The following SLC7A14 variants were observed in gnomAD, a reference collection of about 807,000 sequenced individuals.
SLC7A14 encodes gamma-aminobutyric acid transporter SLC7A14.
In SLC7A14, 37 loss-of-function variants were observed where a neutral mutation model predicts 60.2. That is an observed-to-expected ratio of 0.61 (90% CI 0.47 to 0.81). The LOEUF (loss-of-function observed/expected upper bound fraction) is 0.81. SLC7A14 is among the 30% of genes least tolerant of loss of function. SLC7A14 has a pLI of 0.00. For missense variants in SLC7A14, 886 were observed against 982.7 expected, an observed-to-expected ratio of 0.90 and a Z score of 1.32; for synonymous variants, 399 against 395.8, an observed-to-expected ratio of 1.01 and a Z score of -0.10.
intron 4 of SLC7A14, among the ~76,000 whole-genome samples, chr3:170,496,837 C>T (rs888509): frequency 0.13 from 19,039 of 152,104 alleles, 1,317 homozygotes; most frequent in East Asian, 0.19. Context: ...GATTGAGACC[C>T]GCGATGGGAA....
chr3:170,565,677 A>G (rs969252406), intron 1 of SLC7A14, among the ~76,000 whole-genome samples: 41 of 152,114 alleles, frequency 2.7e-4, no homozygotes, highest in African/African-American at 8.5e-4. Context: ...TTGCTGGTGT[A>G]GGGTTGAGGG....
intron 1 of SLC7A14, among the ~76,000 whole-genome samples, chr3:170,578,262 C>T (rs1188738881): frequency 2.6e-5 from 4 of 152,240 alleles, no homozygotes; most frequent in East Asian, 1.9e-4. Context: ...TGCTGAATCA[C>T]GTAAACAATT....
chr3:170,504,352 A>G (rs1048380168), intron 2 of SLC7A14, among the ~76,000 whole-genome samples: 1 of 151,670 alleles, frequency 6.6e-6, no homozygotes, highest in East Asian at 1.9e-4. Flanking sequence ...ATGGAGTTTC[A>G]CTCTGTCGCC....
At chr3:170,560,614 A>G (rs2108309794) in intron 1 of SLC7A14, among the ~76,000 whole-genome samples, 1 of 152,314 alleles carries the variant, frequency 6.6e-6, no homozygotes, top group East Asian at 1.9e-4. Context: ...ATGCACAGAA[A>G]AAATAAGCAT....
intron 1 of SLC7A14, among the ~76,000 whole-genome samples, chr3:170,542,499 T>G (rs917916224): frequency 6.6e-6 from 1 of 152,224 alleles, no homozygotes; most frequent in African/African-American, 2.4e-5. Flanking sequence ...CTCTTGCATG[T>G]CCCTTGCCAC....
At position 170,460,066 on chromosome 3, in the gene SLC7A14, C is replaced by G. The variant is rs963514758; in HGVS notation, c.*6989G>C. 2 of 152,118 alleles carry G rather than the reference C, an allele frequency of 1.3e-5. No homozygotes were observed. Among genetic ancestry groups the G allele is most frequent in the African/African-American group, 4.8e-5 (2 of 41,418 alleles). 9.4% of individuals were successfully genotyped at this position (152,118 alleles called of 1,614,324 possible). On this transcript the variant is annotated 3_prime_UTR_variant, in exon 8 of 8. Coordinates refer to ENST00000231706, the MANE Select transcript of SLC7A14 (RefSeq NM_020949.3). ...ATATTATTTCTTTCTTCATGATACA[C>G]TACATTGTACAGCACACCAATGGGA...
chr3:170,581,502 G>A lies in SLC7A14; in HGVS notation c.-153+4409C>T, dbSNP rs1449683978. 1.3e-4 allele frequency among the ~76,000 whole-genome samples: 20 copies of A among 151,818 alleles called. No homozygotes were observed. The East Asian group carries it at 3.9e-3, about 29-fold the overall frequency. Reference sequence around the variant, plus strand: ...ATAAACTAAACAACAAACAATGCACGGTATTTCAATTAATAGAATCTAACC... The same window carrying A: ...ATAAACTAAACAACAAACAATGCACAGTATTTCAATTAATAGAATCTAACC... On this transcript the variant is annotated intron_variant, in intron 1 of 7. Coordinates refer to ENST00000231706, the MANE Select transcript of SLC7A14 (RefSeq NM_020949.3).
At chr3:170,558,585 T>C (rs985972900) in intron 1 of SLC7A14, among the ~76,000 whole-genome samples, 10 of 152,188 alleles carry the variant, frequency 6.6e-5, no homozygotes, top group African/African-American at 2.4e-4. Context: ...TGCTGTGCTT[T>C]GTACACCAAG....
intron 7 of SLC7A14, among the ~76,000 whole-genome samples, chr3:170,470,379 C>G (rs188696341): frequency 6.6e-6 from 1 of 150,574 alleles, no homozygotes. Context: ...CACATATTGA[C>G]TGTGGTTACT....
rs551719444 is a variant in SLC7A14 at position 170,510,848 on chromosome 3, A to G, written c.305-9503T>C. Among the ~76,000 whole-genome samples, 9 of 152,340 alleles carry G rather than the reference A, an allele frequency of 5.9e-5. No individual in the cohort carries two copies. In the South Asian group the frequency reaches 1.7e-3, roughly 28 times the overall value. On this transcript the variant is annotated intron_variant, in intron 2 of 7. Coordinates refer to ENST00000231706, the MANE Select transcript of SLC7A14 (RefSeq NM_020949.3). ...GAAGGAAAAAGTCACTACAAAAGGG[A>G]AAGGTGAAGGCGCATGTTTTCTTGG...
chr3:170,476,429 C>A (rs866235944), intron 7 of SLC7A14, among the ~76,000 whole-genome samples: 10 of 152,240 alleles, frequency 6.6e-5, no homozygotes, highest in African/African-American at 1.9e-4. Flanking sequence ...TCTGTGCCCT[C>A]TGGCTGGCCA....
intron 1 of SLC7A14, among the ~76,000 whole-genome samples, chr3:170,578,710 A>G (rs1374575274): frequency 6.6e-6 from 1 of 152,238 alleles, no homozygotes. Context: ...ATAATGATGT[A>G]AAAATAAGAA....
chr3:170,553,479 G>GTCA (rs1021795952), intron 1 of SLC7A14, among the ~76,000 whole-genome samples: 8 of 152,110 alleles, frequency 5.3e-5, no homozygotes, highest in Middle Eastern at 3.4e-3. Flanking sequence ...CATCATCGTC[G>GTCA]TCATCATCAT....
intron 1 of SLC7A14, among the ~76,000 whole-genome samples, chr3:170,574,019 G>A (rs969459910): frequency 1.3e-5 from 2 of 152,116 alleles, no homozygotes; most frequent in Admixed American, 6.6e-5. Context: ...CTTCAGAGCT[G>A]GATCACTCTT....
intron 7 of SLC7A14, among the ~76,000 whole-genome samples, chr3:170,476,171 A>G (rs1711605145): frequency 6.6e-6 from 1 of 152,234 alleles, no homozygotes; most frequent in Non-Finnish European, 1.5e-5. Context: ...CACCAGACCA[A>G]TTGAATCAGA....
intron 5 of SLC7A14, among the ~76,000 whole-genome samples, chr3:170,485,143 G>A (rs1442099025): frequency 6.6e-6 from 1 of 152,102 alleles, no homozygotes; most frequent in South Asian, 2.1e-4. Flanking sequence ...GGGTATGTAT[G>A]GACACGATGA....
intron 2 of SLC7A14, among the ~76,000 whole-genome samples, chr3:170,506,111 G>T (rs1189444074): frequency 6.6e-6 from 1 of 152,218 alleles, no homozygotes; most frequent in Non-Finnish European, 1.5e-5. Flanking sequence ...GAAATCCAGT[G>T]TTTAGGTGCA....
chr3:170,567,918 A>G (rs1220291426), intron 1 of SLC7A14, among the ~76,000 whole-genome samples: 1 of 151,924 alleles, frequency 6.6e-6, no homozygotes, highest in Non-Finnish European at 1.5e-5. Context: ...GCCCTTTGTC[A>G]GATGAGTAGG....
rs539792545 is a variant in SLC7A14, at chr3:170,585,290, G to C, written c.-153+621C>G. Among the ~76,000 whole-genome samples the C allele has an allele frequency of 4.7e-4, 72 of 152,240 alleles. No homozygotes were observed. The highest frequency in any genetic ancestry group is 1.6e-3 in the African/African-American group (67 of 41,574). The stretch of plus-strand genomic sequence containing the variant: ...CACGTCCTCTTCGCCGCTCCCGGGA[G>C]AGTCACCACTCTCCGGGGACAGACG... On this transcript the variant is annotated intron_variant, in intron 1 of 7. Transcript: ENST00000231706. The surrounding 1 kb of genome is among the most constrained non-coding windows in gnomAD (Gnocchi z 5.1).
Sources: gnomAD v4.1 joint callset for allele counts (sites outside exome capture counted in the v4.1 genomes callset) on GRCh38, gnomAD v4.1.1 for gene constraint, Gnocchi (gnomAD v3.1) non-coding constraint, MANE v1.5 for transcripts, NCBI Gene and HGNC (gene_info 2026-07-23, HGNC 2026-07-21) for gene names.